Variants in FGF12 observed in about 807,000 individuals in gnomAD.
FGF12 encodes fibroblast growth factor 12B.
Under a neutral mutation model 23.6 loss-of-function variants are expected in FGF12, and 14 were observed. The ratio of observed to expected loss-of-function variants is 0.59; its 90% confidence interval spans 0.39 to 0.93. The LOEUF (loss-of-function observed/expected upper bound fraction) is 0.93, where lower values mean the gene tolerates loss of function less well. Among genes scored for constraint, FGF12 ranks in the 40% least tolerant of loss-of-function variants. FGF12 has a pLI of 0.00. For missense variants in FGF12, 175 were observed against 217.8 expected (o/e 0.80, Z 1.24); for synonymous variants, 62 against 77.3 (o/e 0.80, Z 1.04).
Position 192,141,544 on chromosome 3 carries a change from A to G in FGF12, c.*2465T>C, listed in dbSNP as rs1203025532. On this transcript the variant is annotated 3_prime_UTR_variant, in exon 6 of 6. Transcript: ENST00000445105. ...TTACTGCAGTGAACATTTGCTTAAC[A>G]TAATACGGAGAAAAACAATATACAA... The G allele has an allele frequency of 6.6e-6, 1 of 152,046 alleles. No individual in the cohort carries two copies. The highest frequency in any genetic ancestry group is 1.5e-5 in the Non-Finnish European group (1 of 67,876). The allele number at this position is 152,046 out of a possible 1,614,324, so 9.4% of individuals were successfully genotyped here.
intron 2 of FGF12, among the ~76,000 whole-genome samples, chr3:192,400,767 T>A (rs962970324): frequency 3.9e-5 from 6 of 152,180 alleles, no homozygotes; most frequent in African/African-American, 1.2e-4. Flanking sequence ...TCCACAAACA[T>A]GCAATTCACT....
At chr3:192,256,800 A>G (rs1323761229) in intron 4 of FGF12, among the ~76,000 whole-genome samples, 2 of 152,192 alleles carry the variant, frequency 1.3e-5, no homozygotes, top group African/African-American at 4.8e-5. Context: ...AGCAGAATAG[A>G]TGAATAATGA....
At chr3:192,546,626 T>G (rs1017558480) in intron 2 of FGF12, among the ~76,000 whole-genome samples, 1 of 152,152 alleles carries the variant, frequency 6.6e-6, no homozygotes, top group African/African-American at 2.4e-5. Flanking sequence ...GGCAGGAACT[T>G]TATCTGATTC....
chr3:192,688,897 A>G (rs1717852786), intron 2 of FGF12, among the ~76,000 whole-genome samples: 1 of 152,200 alleles, frequency 6.6e-6, no homozygotes, highest in Non-Finnish European at 1.5e-5. Context: ...ATAATGAAAT[A>G]CTATCTAGCC....
At chr3:192,286,398 T>A (rs1228368370) in intron 4 of FGF12, among the ~76,000 whole-genome samples, 1 of 152,036 alleles carries the variant, frequency 6.6e-6, no homozygotes, top group African/African-American at 2.4e-5. Context: ...TGCTGAGTAC[T>A]GTGGTGTTAC....
chr3:192,345,947 C>T (rs1216960146), intron 3 of FGF12, among the ~76,000 whole-genome samples: 1 of 151,746 alleles, frequency 6.6e-6, no homozygotes, highest in Non-Finnish European at 1.5e-5. Flanking sequence ...TCATTAATAC[C>T]TAAATAAGAA....
intron 2 of FGF12, among the ~76,000 whole-genome samples, chr3:192,513,754 A>T (rs925671886): frequency 3.3e-5 from 5 of 152,226 alleles, no homozygotes; most frequent in African/African-American, 1.2e-4. Context: ...GTCTAGATGT[A>T]TTAGGGTGTC....
At chr3:192,320,574 G>C (rs1716483827) in intron 4 of FGF12, among the ~76,000 whole-genome samples, 1 of 151,836 alleles carries the variant, frequency 6.6e-6, no homozygotes, top group Non-Finnish European at 1.5e-5. Flanking sequence ...AACAAGTCTT[G>C]GAAAATTCAA....
intron 2 of FGF12, among the ~76,000 whole-genome samples, chr3:192,667,432 T>C (rs1577109637): frequency 6.6e-6 from 1 of 151,426 alleles, no homozygotes; most frequent in African/African-American, 2.4e-5. Flanking sequence ...GGTGAAACCC[T>C]GTCTCTACCA....
chr3:192,434,195 C>T (rs960940487), intron 2 of FGF12, among the ~76,000 whole-genome samples: 3 of 152,076 alleles, frequency 2.0e-5, no homozygotes, highest in Non-Finnish European at 2.9e-5. Context: ...GAACACCCTC[C>T]GGGAGCCCCT....
chr3:192,640,603 T>G (rs1015380334), intron 2 of FGF12, among the ~76,000 whole-genome samples: 1 of 152,212 alleles, frequency 6.6e-6, no homozygotes, highest in Admixed American at 6.5e-5. Context: ...GGCCTGCCAG[T>G]GTCCACACAG....
intron 2 of FGF12, among the ~76,000 whole-genome samples, chr3:192,647,320 T>A (rs946712073): frequency 1.3e-5 from 2 of 152,036 alleles, no homozygotes; most frequent in African/African-American, 2.4e-5. Context: ...CATAAAATAT[T>A]CATCAATGAA....
intron 2 of FGF12, among the ~76,000 whole-genome samples, chr3:192,535,142 G>A (rs1282628683): frequency 6.6e-6 from 1 of 152,132 alleles, no homozygotes; most frequent in East Asian, 1.9e-4. Context: ...CAGGGGATTT[G>A]AAGAACAATG....
At chr3:192,432,142 T>C (rs1721876381) in intron 2 of FGF12, among the ~76,000 whole-genome samples, 1 of 152,118 alleles carries the variant, frequency 6.6e-6, no homozygotes, top group South Asian at 2.1e-4. Context: ...CTGACACCAG[T>C]TATGTCCCAG....
intron 2 of FGF12, among the ~76,000 whole-genome samples, chr3:192,480,903 TGCTGA>T (rs1232023143): frequency 2.7e-4 from 41 of 152,318 alleles, no homozygotes; most frequent in Non-Finnish European, 5.9e-5. Context: ...TTTGTCTGCA[TGCTGA>T]GCTAACACAG....
At chr3:192,194,864 A>G (rs945830192) in intron 4 of FGF12, among the ~76,000 whole-genome samples, 6 of 152,238 alleles carry the variant, frequency 3.9e-5, no homozygotes, top group African/African-American at 1.4e-4. Context: ...AGTGCAACCA[A>G]TATTAAATGT....
At chr3:192,675,468 A>G (rs1717296408) in intron 2 of FGF12, among the ~76,000 whole-genome samples, 2 of 152,218 alleles carry the variant, frequency 1.3e-5, no homozygotes, top group Non-Finnish European at 2.9e-5. Flanking sequence ...TTTTGAGAGT[A>G]CAAGGGGATA....
rs540821883 is a variant in FGF12, at chr3:192,602,988, C to T, written c.13+124193G>A. On this transcript the variant is annotated intron_variant, in intron 2 of 5. Coordinates refer to ENST00000445105, the MANE Select transcript of FGF12 (RefSeq NM_004113.6). ...AAGCTTTCAATAAAATTTAACATCC[C>T]CTCATGATAAAAACCCACAGGAAAC... 2.6e-5 allele frequency among the ~76,000 whole-genome samples: 4 copies of T among 152,144 alleles called. No individual in the cohort carries two copies. In the East Asian group the frequency reaches 5.8e-4, roughly 22 times the overall value.
chr3:192,587,898 C>G (rs778791716), intron 2 of FGF12, among the ~76,000 whole-genome samples: 2 of 151,832 alleles, frequency 1.3e-5, no homozygotes, highest in Non-Finnish European at 2.9e-5. Context: ...TTGGGCACCA[C>G]CTTCTTAAAA....
Sources: allele counts gnomAD v4.1 joint callset (sites outside exome capture counted in the v4.1 genomes callset), GRCh38; gene constraint gnomAD v4.1.1; transcripts MANE v1.5; gene names NCBI Gene and HGNC (gene_info 2026-07-23, HGNC 2026-07-21).